ZFP69: variants seen among roughly 807,000 people sequenced by gnomAD.
ZFP69 encodes the protein ZFP69 zinc finger protein.
A neutral mutation model predicts 48.9 loss-of-function variants in ZFP69; 35 were observed. The ratio of observed to expected loss-of-function variants is 0.72; its 90% CI spans 0.55 to 0.95. The LOEUF is 0.95. Among genes scored for constraint, ZFP69 ranks in the 40% least tolerant of loss-of-function variants. ZFP69 has a pLI of 0.00. For missense variants in ZFP69, 557 were observed against 638.4 expected, an observed-to-expected ratio of 0.87 and a Z score of 1.37; for synonymous variants, 193 against 216.8, an observed-to-expected ratio of 0.89 and a Z score of 0.96.
rs1362495863 is a variant in ZFP69 at position 40,477,893 on chromosome 1, T to C, written c.-328T>C. On this transcript the variant is annotated splice_region_variant and 5_prime_UTR_variant, in exon 1 of 6. The change abolishes the stop of an existing upstream ORF in the 5' untranslated region. Coordinates refer to ENST00000372706, the MANE Select transcript of ZFP69 (RefSeq NM_001320179.2). This position sits in a 1 kb window ranked among gnomAD's most constrained non-coding sequence, Gnocchi z 4.0. Reference sequence around the variant, plus strand: ...GTCCTACCTGGGTCCAAGGCCGATGTGGTGAGTAGGAGTCTGTGTGCAGTC... The same window carrying C: ...GTCCTACCTGGGTCCAAGGCCGATGCGGTGAGTAGGAGTCTGTGTGCAGTC... 7 of 152,638 alleles carry C rather than the reference T, an allele frequency of 4.6e-5. No individual in the cohort carries two copies. Among genetic ancestry groups the C allele is most frequent in the African/African-American group, 1.7e-4 (7 of 41,566 alleles). 9.5% of individuals were successfully genotyped at this position (152,638 alleles called of 1,614,324 possible).
chr1:40,479,308 G>A lies in ZFP69; in HGVS notation c.-54G>A. On this transcript the variant is annotated 5_prime_UTR_variant, in exon 2 of 6. Coordinates refer to ENST00000372706, the MANE Select transcript of ZFP69 (RefSeq NM_001320179.2). ...CCACAACTGTGAAGCGTCTCATCAAGAGCTTCTGGCAATTTCCTCACCAGA... is the reference window on the plus strand; with the variant it reads ...CCACAACTGTGAAGCGTCTCATCAAAAGCTTCTGGCAATTTCCTCACCAGA... The A allele has an allele frequency of 6.2e-7, 1 of 1,608,882 alleles. No individual in the cohort carries two copies. The highest frequency in any genetic ancestry group is 8.5e-7 in the Non-Finnish European group (1 of 1,177,542).
rs754373216 is a variant in ZFP69 at position 40,495,172 on chromosome 1, G to C, written c.694G>C (p.Val232Leu). Residue 232 changes from valine to leucine, a missense_variant, in exon 6 of 6, where the codon GTG (valine) becomes CTG (leucine). By Grantham distance (32) the Val-to-Leu change is conservative. Transcript: ENST00000372706. ...ETNKFGENIIVHSNVIIEQRH... is the reference protein window; with the variant it reads ...ETNKFGENIILHSNVIIEQRH... ...TAACAAATTTGGGGAAAATATCATT[G>C]TGCATTCAAATGTTATTATTGAACA... 3.7e-6 allele frequency: 6 copies of C among 1,614,078 alleles called. No individual in the cohort carries two copies. The Admixed American group carries it at 8.3e-5, about 22-fold the overall frequency.
rs757675815 is a variant in ZFP69 at position 40,495,851 on chromosome 1, A to C, written c.1373A>C (p.Lys458Thr). The C allele has an allele frequency of 6.2e-7, 1 of 1,614,208 alleles. No individual in the cohort carries two copies. Among genetic ancestry groups the C allele is most frequent in the South Asian group, 1.1e-5 (1 of 91,086 alleles). ...CAGAGGATACACCTTAGCAACCATA[A>C]AACTGTTCATACAGGAGTGAAAGCA... ...FRQRIHLSNHKTVHTGVKAYE... is the reference protein window; with the variant it reads ...FRQRIHLSNHTTVHTGVKAYE... The change falls in exon 6 of 6, where the codon AAA becomes ACA. Residue 458 changes from lysine (K) to threonine (T), a missense_variant. By Grantham distance (78) the Lys-to-Thr change is moderately conservative (BLOSUM62 -1). Transcript: ENST00000372706.
intron 3 of ZFP69, among the ~76,000 whole-genome samples, chr1:40,486,972 T>C (rs936692363): frequency 1.3e-5 from 2 of 150,924 alleles, no homozygotes; most frequent in Non-Finnish European, 2.9e-5. Flanking sequence ...GTCACCAGGC[T>C]GGAGTGCAGT....
At chr1:40,493,939 T>G (rs1267802099) in intron 5 of ZFP69, among the ~76,000 whole-genome samples, 1 of 152,216 alleles carries the variant, frequency 6.6e-6, no homozygotes, top group Non-Finnish European at 1.5e-5. Flanking sequence ...CAATCTGGGT[T>G]TCTTACAAGT....
chr1:40,486,476 T>TCCTCCCTCCCTC (rs879356911), intron 3 of ZFP69, among the ~76,000 whole-genome samples: 1 of 90,874 alleles, frequency 1.1e-5, no homozygotes. Flanking sequence ...CCTCCTTTCT[T>TCCTCCCTCCCTC]CCTCCCTCCC....
chr1:40,485,215 C>T (rs1202563361), intron 3 of ZFP69, among the ~76,000 whole-genome samples: 1 of 151,582 alleles, frequency 6.6e-6, no homozygotes, highest in Non-Finnish European at 1.5e-5. Context: ...TTAGTGGTTG[C>T]CCTAACAACC....
In ZFP69 at chr1:40,495,400, T is replaced by C. The variant is rs1291303896; in HGVS notation, c.922T>C (p.Phe308Leu). 11 of 1,614,078 alleles carry C rather than the reference T, an allele frequency of 6.8e-6. No homozygotes were observed. The highest frequency in any genetic ancestry group is 9.3e-6 in the Non-Finnish European group (11 of 1,180,050). Residue 308 changes from phenylalanine to leucine, a missense_variant, in exon 6 of 6, where the codon TTT becomes CTT. Phe to Leu is a conservative substitution (Grantham distance 22). Transcript: ENST00000372706. Reference protein sequence around the residue: ...PFRCKECGRAFSQSASLSTHQ... With the variant: ...PFRCKECGRALSQSASLSTHQ... Reference sequence around the variant, plus strand: ...CAGATGTAAGGAATGTGGAAGGGCCTTTAGTCAAAGTGCATCCCTCAGTAC... The same window carrying C: ...CAGATGTAAGGAATGTGGAAGGGCCCTTAGTCAAAGTGCATCCCTCAGTAC...
chr1:40,489,866 C>CTTTTTTTTTTT (rs374820239), intron 5 of ZFP69, among the ~76,000 whole-genome samples: 2 of 115,428 alleles, frequency 1.7e-5, no homozygotes, highest in Non-Finnish European at 3.5e-5. Context: ...TTTTCTTTTT[C>CTTTTTTTTTTT]TTTTTTTTTT....
chr1:40,488,073 G>A (rs1224592861), intron 3 of ZFP69, among the ~76,000 whole-genome samples: 5 of 151,632 alleles, frequency 3.3e-5, no homozygotes, highest in African/African-American at 4.9e-5. Context: ...TCTCTAAGCC[G>A]GGCACGGTGT....
In ZFP69 at chr1:40,479,931, C is replaced by T. The variant is rs151223057; in HGVS notation, c.127+443C>T. 1.4e-3 allele frequency among the ~76,000 whole-genome samples: 206 copies of T among 152,302 alleles called. 1 individual carries two copies. The highest frequency in any genetic ancestry group is 4.8e-3 in the African/African-American group (201 of 41,560). Reference sequence around the variant, plus strand: ...GGCAGGAATGACATGCCAGATTACTCTCATGTTACCTTGAACTGTGGGAGA... The same window carrying T: ...GGCAGGAATGACATGCCAGATTACTTTCATGTTACCTTGAACTGTGGGAGA... On this transcript the variant is annotated intron_variant, in intron 2 of 5. Transcript: ENST00000372706.
At chr1:40,486,474 CTT>C (rs575191784) in intron 3 of ZFP69, among the ~76,000 whole-genome samples, 1 of 90,262 alleles carries the variant, frequency 1.1e-5, no homozygotes, top group African/African-American at 3.8e-5. Context: ...TCCCTCCTTT[CTT>C]CCTCCCTCCC....
At chr1:40,478,446 A>G (rs1228264935) in intron 1 of ZFP69, among the ~76,000 whole-genome samples, 2 of 152,166 alleles carry the variant, frequency 1.3e-5, no homozygotes, top group Non-Finnish European at 2.9e-5. Flanking sequence ...GTGTGGTTCC[A>G]AGGAACTTGC....
At chr1:40,487,919 C>T (rs980773520) in intron 3 of ZFP69, among the ~76,000 whole-genome samples, 17 of 151,970 alleles carry the variant, frequency 1.1e-4, no homozygotes, top group African/African-American at 3.4e-4. Flanking sequence ...TGGTGGCGTG[C>T]GCCTGTAATA....
Position 40,496,135 on chromosome 1 carries a change from G to GTGT in ZFP69, c.*76_*77insTGT. ...GAGTGCTTTAAAATTTCAGGACTCA[G>GTGT]ATATGAGGAATTGATGTAATGATGC... On this transcript the variant is annotated 3_prime_UTR_variant, in exon 6 of 6. Transcript: ENST00000372706. The GTGT allele has an allele frequency of 1.3e-5, 18 of 1,436,532 alleles. No individual in the cohort carries two copies. The highest frequency in any genetic ancestry group is 1.7e-5 in the Non-Finnish European group (18 of 1,071,582). 89.0% of individuals were successfully genotyped at this position (1,436,532 alleles called of 1,614,324 possible).
chr1:40,488,208 T>C (rs1474966323), intron 3 of ZFP69, among the ~76,000 whole-genome samples: 1 of 152,134 alleles, frequency 6.6e-6, no homozygotes, highest in African/African-American at 2.4e-5. Context: ...TCATGTGTTT[T>C]GATTTGTTCT....
intron 3 of ZFP69, among the ~76,000 whole-genome samples, chr1:40,485,808 G>A (rs1645490301): frequency 6.6e-6 from 1 of 152,118 alleles, no homozygotes; most frequent in Non-Finnish European, 1.5e-5. Flanking sequence ...CTTTTAGATT[G>A]TATTATCTGT....
At position 40,495,449 on chromosome 1, in the gene ZFP69, A is replaced by G; in HGVS notation, c.971A>G (p.Glu324Gly). The stretch of plus-strand genomic sequence containing the variant: ...ACACACCAGAGAATCCATACTGGTG[A>G]GAAACCCTTTGAATGTGAGGAATGT... ...LSTHQRIHTG[E>G]KPFECEECGK... The change falls in exon 6 of 6, where the codon GAG becomes GGG. Residue 324 changes from glutamate to glycine, a missense_variant. Glu to Gly is a moderately conservative substitution (Grantham distance 98). Coordinates refer to ENST00000372706, the MANE Select transcript of ZFP69 (RefSeq NM_001320179.2). 1 of 1,614,200 alleles carries G rather than the reference A, an allele frequency of 6.2e-7. No individual in the cohort carries two copies. The highest frequency in any genetic ancestry group is 1.1e-5 in the South Asian group (1 of 91,084).
In ZFP69 at chr1:40,495,919, T is replaced by C; in HGVS notation, c.1441T>C (p.Ser481Pro). The change falls in exon 6 of 6, where the codon TCC becomes CCC. Residue 481 changes from serine to proline, a missense_variant. By Grantham distance (74) the Ser-to-Pro change is moderately conservative. Coordinates refer to ENST00000372706, the MANE Select transcript of ZFP69 (RefSeq NM_001320179.2). ...TGGAAAAGCCTATAGGCATGATTCA[T>C]CCTTTAAAAAACATCAGAGACATCA... is the stretch of plus-strand genomic sequence containing the variant. ...RCGKAYRHDSSFKKHQRHHTG... is the reference protein window; with the variant it reads ...RCGKAYRHDSPFKKHQRHHTG... 6.2e-7 allele frequency: 1 copy of C among 1,614,172 alleles called. No individual in the cohort carries two copies. The highest frequency in any genetic ancestry group is 8.5e-7 in the Non-Finnish European group (1 of 1,180,038).
Sources: gnomAD v4.1 joint callset for allele counts (sites outside exome capture counted in the v4.1 genomes callset) on GRCh38, gnomAD v4.1.1 for gene constraint, Gnocchi (gnomAD v3.1) non-coding constraint, MANE v1.5 for transcripts, NCBI Gene and HGNC (gene_info 2026-07-23, HGNC 2026-07-21) for gene names.